The following HIPK2 variants were observed in gnomAD, a reference collection of about 807,000 sequenced individuals.
HIPK2 encodes the protein homeodomain interacting protein kinase 2.
In HIPK2, 27 loss-of-function variants were observed where a neutral mutation model predicts 113.7. That is an observed-to-expected ratio of 0.24 (90% CI 0.17 to 0.33). The LOEUF (loss-of-function observed/expected upper bound fraction) is 0.33. Ranked by LOEUF, HIPK2 falls within the 10% of genes least tolerant of loss-of-function variation. The pLI, the probability that HIPK2 is intolerant of heterozygous loss-of-function variation, is 1.00. For missense variants in HIPK2, 1,257 were observed against 1,588.0 expected (o/e 0.79, Z 3.54); for synonymous variants, 631 against 642.2 (o/e 0.98, Z 0.26).
Position 139,614,285 on chromosome 7 carries a change from C to A in HIPK2, c.1990+1G>T. ...GAGAGGCTGTGGCTGCTCAATCTTACCTTGGAAGCCGGGGGGACACACGAT... is the reference window on the plus strand; with the variant it reads ...GAGAGGCTGTGGCTGCTCAATCTTAACTTGGAAGCCGGGGGGACACACGAT... On this transcript the variant is annotated splice_donor_variant, in intron 8 of 14. Coordinates refer to ENST00000406875, the MANE Select transcript of HIPK2 (RefSeq NM_022740.5). LOFTEE classifies it high-confidence loss of function. 6.7e-7 allele frequency: 1 copy of A among 1,490,014 alleles called. No homozygotes were observed. Among genetic ancestry groups the A allele is most frequent in the Non-Finnish European group, 9.0e-7 (1 of 1,106,190 alleles). The allele number at this position is 1,490,014 out of a possible 1,614,324, so 92.3% of individuals were successfully genotyped here.
chr7:139,667,142 T>C (rs192371992), intron 2 of HIPK2, among the ~76,000 whole-genome samples: 7 of 152,282 alleles, frequency 4.6e-5, no homozygotes, highest in Non-Finnish European at 8.8e-5. Flanking sequence ...CTTAAATACA[T>C]AGTTGTAATC....
chr7:139,563,742 C>T lies in HIPK2; in HGVS notation c.*9185G>A, dbSNP rs1474056919. 2.3e-5 allele frequency: 9 copies of T among 398,076 alleles called. No individual in the cohort carries two copies. Among genetic ancestry groups the T allele is most frequent in the Admixed American group, 8.8e-5 (2 of 22,708 alleles). 24.7% of individuals were successfully genotyped at this position (398,076 alleles called of 1,614,324 possible). A position where few individuals can be genotyped will look rare whatever the true frequency, so the allele number is the denominator to read the frequency against. ...CCACCAAAAGACTGTCCTAAGAACA[C>T]GCTGTCAATACAGTTCACAGGGAAA... On this transcript the variant is annotated 3_prime_UTR_variant, in exon 15 of 15. Transcript: ENST00000406875.
chr7:139,621,506 C>G (rs140413300), intron 6 of HIPK2, among the ~76,000 whole-genome samples: 7 of 152,388 alleles, frequency 4.6e-5, no homozygotes, highest in African/African-American at 7.2e-5. Context: ...AGGAAAGCCA[C>G]AAGTGGCTTC....
rs993003875 is a variant in HIPK2 at position 139,698,019 on chromosome 7, C to T, written c.1103+17913G>A. On this transcript the variant is annotated intron_variant, in intron 2 of 14. Transcript: ENST00000406875. ...TGAGGATTACAGGTGCACGCCACCA[C>T]GCCTGGCTAGTTTTTTGTATTTTTA... Among the ~76,000 whole-genome samples the T allele has an allele frequency of 5.3e-5, 8 of 152,182 alleles. No homozygotes were observed. The East Asian group carries it at 7.7e-4, about 15-fold the overall frequency.
At chr7:139,720,434 CT>C (rs1795373584) in intron 1 of HIPK2, among the ~76,000 whole-genome samples, 1 of 152,228 alleles carries the variant, frequency 6.6e-6, no homozygotes, top group African/African-American at 2.4e-5. Context: ...CATCTACGCA[CT>C]GTGACTGCAC....
chr7:139,677,750 G>A (rs1417792523), intron 2 of HIPK2, among the ~76,000 whole-genome samples: 1 of 152,126 alleles, frequency 6.6e-6, no homozygotes, highest in African/African-American at 2.4e-5. Context: ...TGGAATTGCT[G>A]GGTCAAATGG....
At chr7:139,662,338 C>T (rs1569467715) in intron 2 of HIPK2, among the ~76,000 whole-genome samples, 1 of 152,214 alleles carries the variant, frequency 6.6e-6, no homozygotes, top group Non-Finnish European at 1.5e-5. Context: ...AAGGATTTGT[C>T]TGTTATTTCC....
At chr7:139,766,265 A>G (rs766950005) in intron 1 of HIPK2, among the ~76,000 whole-genome samples, 3 of 152,264 alleles carry the variant, frequency 2.0e-5, no homozygotes, top group Non-Finnish European at 2.9e-5. Flanking sequence ...TTAGTGCAGA[A>G]CTGGCAATAG....
intron 2 of HIPK2, among the ~76,000 whole-genome samples, chr7:139,695,929 A>G (rs1243703364): frequency 6.9e-6 from 1 of 144,306 alleles, no homozygotes; most frequent in Non-Finnish European, 1.5e-5. Flanking sequence ...TCTTGCTCCT[A>G]ATAGGTGTCC....
At chr7:139,602,084 CT>C (rs1799447858) in intron 10 of HIPK2, among the ~76,000 whole-genome samples, 1 of 151,688 alleles carries the variant, frequency 6.6e-6, no homozygotes, top group Admixed American at 6.6e-5. Context: ...TCCCGAGTAG[CT>C]GGGATTACAG....
chr7:139,713,849 C>T (rs1032321426), intron 2 of HIPK2, among the ~76,000 whole-genome samples: 3 of 152,230 alleles, frequency 2.0e-5, no homozygotes, highest in Non-Finnish European at 4.4e-5. Flanking sequence ...GTACCCGGGA[C>T]GGCCACCAGA....
intron 2 of HIPK2, among the ~76,000 whole-genome samples, chr7:139,657,232 A>C (rs997504633): frequency 9.9e-5 from 15 of 152,176 alleles, no homozygotes; most frequent in African/African-American, 3.6e-4. Flanking sequence ...CTTCTGCTGT[A>C]GTCAAGAGCC....
At chr7:139,663,837 CT>C (rs1186812660) in intron 2 of HIPK2, among the ~76,000 whole-genome samples, 3 of 152,194 alleles carry the variant, frequency 2.0e-5, no homozygotes, top group Non-Finnish European at 4.4e-5. Flanking sequence ...CAGGAACTTC[CT>C]CAATTCTATC....
Position 139,571,518 on chromosome 7 carries a change from G to A in HIPK2, c.*1409C>T, listed in dbSNP as rs1798279307. On this transcript the variant is annotated 3_prime_UTR_variant, in exon 15 of 15. Transcript: ENST00000406875. The stretch of plus-strand genomic sequence containing the variant: ...TCAACTCCCGCCGTCCCCATCTCCA[G>A]ACGCACCCGCCGGGCATCTGTCTCC... The A allele has an allele frequency of 1.3e-5, 2 of 152,298 alleles. No individual in the cohort carries two copies. Among genetic ancestry groups the A allele is most frequent in the African/African-American group, 4.8e-5 (2 of 41,466 alleles). 9.4% of individuals were successfully genotyped at this position (152,298 alleles called of 1,614,324 possible). A position where few individuals can be genotyped will look rare whatever the true frequency, so the allele number is the denominator to read the frequency against.
chr7:139,735,520 C>A (rs1317539725), intron 1 of HIPK2, among the ~76,000 whole-genome samples: 1 of 152,218 alleles, frequency 6.6e-6, no homozygotes, highest in Non-Finnish European at 1.5e-5. Flanking sequence ...CTGCTGAGCA[C>A]CTACGATGTC....
chr7:139,595,524 T>A (rs1405575504), intron 12 of HIPK2, among the ~76,000 whole-genome samples: 3 of 152,178 alleles, frequency 2.0e-5, no homozygotes, highest in Admixed American at 1.3e-4. Flanking sequence ...CTCTGACACC[T>A]GGCACAATGC....
At chr7:139,584,707 T>G (rs1798779791) in intron 12 of HIPK2, among the ~76,000 whole-genome samples, 1 of 152,216 alleles carries the variant, frequency 6.6e-6, no homozygotes, top group African/African-American at 2.4e-5. Context: ...GTGGGCTGTG[T>G]GCAGGCCACT....
intron 2 of HIPK2, among the ~76,000 whole-genome samples, chr7:139,691,550 T>C (rs1794406370): frequency 6.6e-6 from 1 of 152,212 alleles, no homozygotes; most frequent in African/African-American, 2.4e-5. Flanking sequence ...GAGCACAATT[T>C]CTATGTGAAA....
At chr7:139,584,841 T>C (rs1315900192) in intron 12 of HIPK2, among the ~76,000 whole-genome samples, 2 of 152,190 alleles carry the variant, frequency 1.3e-5, no homozygotes, top group Admixed American at 6.5e-5. Context: ...GCCAGGTTGA[T>C]GCTGTGTGAA....
Sources: allele counts gnomAD v4.1 joint callset (sites outside exome capture counted in the v4.1 genomes callset), GRCh38; gene constraint gnomAD v4.1.1; transcripts MANE v1.5; gene names NCBI Gene and HGNC (gene_info 2026-07-23, HGNC 2026-07-21).